The following ANKRD17 variants were observed in gnomAD, a reference collection of about 807,000 sequenced individuals.
ANKRD17 encodes ankyrin repeat domain 17.
Under a neutral mutation model 229.7 loss-of-function variants are expected in ANKRD17, and 19 were observed. The observed-to-expected ratio is 0.08, with a 90% CI of 0.06 to 0.12. The LOEUF (loss-of-function observed/expected upper bound fraction) is 0.12. Ranked by LOEUF, ANKRD17 falls within the 10% of genes least tolerant of loss-of-function variation. ANKRD17 has a pLI of 1.00. For synonymous variants in ANKRD17, 1,112 were observed against 1,146.1 expected (o/e 0.97, Z 0.60); for missense variants, 2,176 against 3,176.8 (o/e 0.68, Z 7.57).
Position 73,156,146 on chromosome 4 carries a change from C to A in ANKRD17, c.725G>T (p.Cys242Phe). 1 of 1,602,470 alleles carries A rather than the reference C, an allele frequency of 6.2e-7. No homozygotes were observed. The highest frequency in any genetic ancestry group is 1.3e-5 in the African/African-American group (1 of 74,262). Residue 242 changes from cysteine to phenylalanine, a missense_variant, in exon 4 of 34, where the codon TGT becomes TTT. Transcript: ENST00000358602. The stretch of plus-strand genomic sequence containing the variant: ...CACAGCATTTACATCTCCTTCTGAA[C>A]AGGCTTCTGCCAAACTGCGGCTATT... ...QSDNRSLAEA[C>F]SEGDVNAVRK...
At chr4:73,238,555 T>A (rs965478412) in intron 1 of ANKRD17, among the ~76,000 whole-genome samples, 7 of 152,134 alleles carry the variant, frequency 4.6e-5, no homozygotes, top group African/African-American at 1.4e-4. Flanking sequence ...ACTAGCTACA[T>A]TCAGGTAAAG....
At chr4:73,138,917 A>AG (rs1368584775) in intron 15 of ANKRD17, among the ~76,000 whole-genome samples, 9 of 152,140 alleles carry the variant, frequency 5.9e-5, no homozygotes, top group Non-Finnish European at 7.4e-5. Flanking sequence ...TGATACTTTC[A>AG]GGGGGGCCAC....
chr4:73,100,963 T>G (rs1194416332), intron 25 of ANKRD17: 17 of 985,038 alleles, frequency 1.7e-5, no homozygotes, highest in Non-Finnish European at 2.0e-5. Flanking sequence ...TTGAAAGTAT[T>G]CAAAAAACAA....
chr4:73,178,083 C>T (rs1187703966), intron 1 of ANKRD17, among the ~76,000 whole-genome samples: 1 of 152,142 alleles, frequency 6.6e-6, no homozygotes, highest in Non-Finnish European at 1.5e-5. Flanking sequence ...CCTAGGCAAA[C>T]AAGTTCCAAA....
rs1418306287 is a variant in ANKRD17 at position 73,125,406 on chromosome 4, C to T, written c.3235-94G>A. ...CAAACATATCAAATACACACAAATA[C>T]ATATGTACCACTCTACAATATCAAG... is the stretch of plus-strand genomic sequence containing the variant. On this transcript the variant is annotated intron_variant, in intron 16 of 33. Transcript: ENST00000358602. The T allele has an allele frequency of 2.1e-5, 19 of 893,592 alleles. 1 individual carries two copies. The Middle Eastern group carries it at 1.2e-3, about 59-fold the overall frequency. 55.4% of individuals were successfully genotyped at this position (893,592 alleles called of 1,614,324 possible).
intron 1 of ANKRD17, among the ~76,000 whole-genome samples, chr4:73,191,337 A>ATGTGTGTGTGTGTGTG (rs1349894740): frequency 7.8e-4 from 48 of 61,924 alleles, no homozygotes; most frequent in African/African-American, 2.7e-3. Flanking sequence ...ACCAAAAAAT[A>ATGTGTGTGTGTGTGTG]TATATGTGTG....
intron 1 of ANKRD17, among the ~76,000 whole-genome samples, chr4:73,238,808 G>A (rs892414709): frequency 2.0e-5 from 3 of 152,124 alleles, no homozygotes; most frequent in Non-Finnish European, 4.4e-5. Context: ...CAATATGAGA[G>A]TTAAGAAAGC....
intron 1 of ANKRD17, among the ~76,000 whole-genome samples, chr4:73,232,831 C>T (rs1185342835): frequency 6.6e-6 from 1 of 152,080 alleles, no homozygotes; most frequent in African/African-American, 2.4e-5. Context: ...TCAAGCAATT[C>T]TCCTGCCTCG....
chr4:73,113,664 T>A (rs1262067855), intron 24 of ANKRD17, 128 bp downstream of exon 24: 7 of 805,622 alleles, frequency 8.7e-6, no homozygotes, highest in Non-Finnish European at 1.4e-5. Context: ...TTGAGCCAAA[T>A]GTAGAAAGAA....
At chr4:73,146,102 T>A (rs1016115068) in intron 10 of ANKRD17, among the ~76,000 whole-genome samples, 1 of 152,106 alleles carries the variant, frequency 6.6e-6, no homozygotes, top group Non-Finnish European at 1.5e-5. Context: ...AGTTGCTTCA[T>A]GCTTTCTTAC....
rs186995559 is a variant in ANKRD17 at position 73,110,875 on chromosome 4, G to C, written c.4401+2917C>G. 3.4e-3 allele frequency among the ~76,000 whole-genome samples: 519 copies of C among 152,176 alleles called. 1 individual carries two copies. The highest frequency in any genetic ancestry group is 6.6e-3 in the South Asian group (32 of 4,824). ...GATTAAGAATTCTTCATTAGCTTTT[G>C]GTTTTAATATTATGGAAAAATATAC... is the stretch of plus-strand genomic sequence containing the variant. On this transcript the variant is annotated intron_variant, in intron 24 of 33. Transcript: ENST00000358602.
intron 20 of ANKRD17, 141 bp from the exon 21 acceptor site, chr4:73,120,478 A>G (rs1726572220): frequency 2.8e-6 from 2 of 716,720 alleles, no homozygotes. Flanking sequence ...GACCCTTATT[A>G]GCTCCTTTGA....
chr4:73,242,140 G>T (rs185823464), intron 1 of ANKRD17, among the ~76,000 whole-genome samples: 11 of 151,962 alleles, frequency 7.2e-5, no homozygotes, highest in African/African-American at 2.7e-4. Context: ...CAAAACTCAC[G>T]CAATAAGAGA....
chr4:73,202,892 C>T (rs1309276264), intron 1 of ANKRD17, among the ~76,000 whole-genome samples: 1 of 152,096 alleles, frequency 6.6e-6, no homozygotes, highest in Non-Finnish European at 1.5e-5. Flanking sequence ...TAAGACAGTC[C>T]TTTTGCAAGT....
chr4:73,103,525 T>C (rs7377358), intron 24 of ANKRD17, among the ~76,000 whole-genome samples: 152,011 of 152,320 alleles, frequency 1, 75,852 homozygotes, highest in East Asian at 1. Flanking sequence ...TTAAATTTTC[T>C]TTCTTGGCTC....
chr4:73,153,710 TA>T (rs1193956327), intron 6 of ANKRD17, among the ~76,000 whole-genome samples, 169 bp downstream of exon 6: 1 of 152,216 alleles, frequency 6.6e-6, no homozygotes, highest in East Asian at 1.9e-4. Context: ...ATCTATATTT[TA>T]AAAATTTAAA....
intron 1 of ANKRD17, among the ~76,000 whole-genome samples, chr4:73,221,678 C>T (rs563326996): frequency 6.6e-6 from 1 of 152,088 alleles, no homozygotes; most frequent in South Asian, 2.1e-4. Flanking sequence ...ATAATTTTAC[C>T]ACACATTTTT....
chr4:73,208,949 T>C (rs1352537926), intron 1 of ANKRD17, among the ~76,000 whole-genome samples: 1 of 152,170 alleles, frequency 6.6e-6, no homozygotes, highest in Non-Finnish European at 1.5e-5. Flanking sequence ...CGGTGGCTCA[T>C]GCCTGCAATC....
intron 1 of ANKRD17, among the ~76,000 whole-genome samples, chr4:73,201,371 T>C (rs1738651902): frequency 1.3e-5 from 2 of 151,746 alleles, no homozygotes; most frequent in South Asian, 2.1e-4. Flanking sequence ...ACAACACAAA[T>C]GCACAGTAAG....
Sources: gnomAD v4.1 joint callset for allele counts (sites outside exome capture counted in the v4.1 genomes callset) on GRCh38, gnomAD v4.1.1 for gene constraint, MANE v1.5 for transcripts, NCBI Gene and HGNC (gene_info 2026-07-23, HGNC 2026-07-21) for gene names.